NXPE4: variants seen among roughly 807,000 people sequenced by gnomAD.
NXPE4 encodes the protein NXPE family member 4.
NXPE4 carries 42 observed loss-of-function variants against 33.3 expected under a neutral mutation model. That is an observed-to-expected ratio of 1.26 (90% CI 0.98 to 1.63). The LOEUF (loss-of-function observed/expected upper bound fraction) is 1.63, where lower values mean the gene tolerates loss of function less well. NXPE4 is among the 40% of genes most tolerant of loss of function. The pLI is 0.00. For missense variants in NXPE4, 709 were observed against 647.6 expected, an observed-to-expected ratio of 1.09 and a Z score of -1.03; for synonymous variants, 253 against 234.9, an observed-to-expected ratio of 1.08 and a Z score of -0.71.
At chr11:114,630,854 G>A in the NXPE4 span, among the ~76,000 whole-genome samples, 1 of 151,630 alleles carries the variant, frequency 6.6e-6, no homozygotes, top group Non-Finnish European at 1.5e-5. Context: ...CCATCAAAAA[G>A]TGGGCAAAGG....
At chr11:114,602,218 T>A in the NXPE4 span, among the ~76,000 whole-genome samples, 1 of 107,190 alleles carries the variant, frequency 9.3e-6, no homozygotes. Flanking sequence ...ATACAATATA[T>A]GTTATAGATT....
chr11:114,593,228 G>T (rs575304140), intron 2 of NXPE4, among the ~76,000 whole-genome samples: 66 of 152,276 alleles, frequency 4.3e-4, no homozygotes, highest in African/African-American at 1.5e-3. Context: ...AATCAAGTGA[G>T]TGAAGAGTTA....
At chr11:114,643,078 A>T in the NXPE4 span, among the ~76,000 whole-genome samples, 1 of 152,078 alleles carries the variant, frequency 6.6e-6, no homozygotes, top group African/African-American at 2.4e-5. Flanking sequence ...GTGTCCATTC[A>T]TATCCTTTGC....
chr11:114,646,653 C>A, the NXPE4 span, among the ~76,000 whole-genome samples: 1 of 152,114 alleles, frequency 6.6e-6, no homozygotes, highest in East Asian at 1.9e-4. Context: ...CCACCAAATA[C>A]CATTAAAATA....
chr11:114,676,096 C>A, the NXPE4 span, among the ~76,000 whole-genome samples: 3 of 151,732 alleles, frequency 2.0e-5, no homozygotes, highest in Non-Finnish European at 4.4e-5. Context: ...TAAAAAAAAT[C>A]CAACTGAAAA....
At chr11:114,586,813 C>A (rs950594013) in intron 2 of NXPE4, among the ~76,000 whole-genome samples, 21 of 152,194 alleles carry the variant, frequency 1.4e-4, no homozygotes, top group Admixed American at 1.2e-3. Flanking sequence ...CTCCTATCCA[C>A]TCTCTGTATG....
At chr11:114,581,221 G>A (rs1029922399) in intron 4 of NXPE4, among the ~76,000 whole-genome samples, 1 of 152,032 alleles carries the variant, frequency 6.6e-6, no homozygotes, top group Non-Finnish European at 1.5e-5. Flanking sequence ...CAAAGAAATT[G>A]GAGAGAAATT....
At chr11:114,648,053 T>C in the NXPE4 span, among the ~76,000 whole-genome samples, 1 of 152,150 alleles carries the variant, frequency 6.6e-6, no homozygotes, top group Non-Finnish European at 1.5e-5. Flanking sequence ...TTCCCTGTGG[T>C]ATATAAGACA....
At chr11:114,600,839 C>A in the NXPE4 span, among the ~76,000 whole-genome samples, 1 of 151,972 alleles carries the variant, frequency 6.6e-6, no homozygotes, top group Non-Finnish European at 1.5e-5. Flanking sequence ...TGAGAATCCT[C>A]TATACTATTT....
the NXPE4 span, among the ~76,000 whole-genome samples, chr11:114,629,840 A>C: frequency 6.6e-6 from 1 of 150,534 alleles, no homozygotes; most frequent in African/African-American, 2.5e-5. Flanking sequence ...ATACAAAATC[A>C]ATGTACAAAA....
intron 3 of NXPE4, 129 bp downstream of exon 3, chr11:114,582,159 G>A: frequency 5.2e-6 from 5 of 965,820 alleles, no homozygotes; most frequent in Non-Finnish European, 7.5e-6. Flanking sequence ...TGAATTCACA[G>A]ATCCTTTCCC....
At chr11:114,670,353 T>C in the NXPE4 span, among the ~76,000 whole-genome samples, 13,999 of 152,012 alleles carry the variant, frequency 0.092, 765 homozygotes, top group Middle Eastern at 0.2. Flanking sequence ...TCAGAGACTA[T>C]GCACTTCTGG....
intron 2 of NXPE4, chr11:114,583,760 G>T (rs911995247): frequency 4.2e-6 from 2 of 478,680 alleles, no homozygotes; most frequent in African/African-American, 2.0e-5. Flanking sequence ...TCACCAGAGG[G>T]TGTTGTATGT....
At chr11:114,636,731 A>T in the NXPE4 span, among the ~76,000 whole-genome samples, 4 of 152,242 alleles carry the variant, frequency 2.6e-5, no homozygotes, top group African/African-American at 9.6e-5. Context: ...CCCAGCAGTC[A>T]TTCAGGAGCA....
rs765709768 is a variant in NXPE4 at position 114,582,779 on chromosome 11, C to T, written c.339G>A (p.Arg113=). The change falls in exon 3 of 6, where the codon AGG becomes AGA. Residue 113 remains arginine, a synonymous_variant. Coordinates refer to ENST00000375478, the MANE Select transcript of NXPE4 (RefSeq NM_001077639.2). ...CCAGCAGGATGTGCAGCTGGTCTCC[C>T]CTGCAGTACGTATCTCGAGGGTTGA... is the stretch of plus-strand genomic sequence containing the variant. The part of the protein sequence containing the change: ...TILNPRDTYC[R]GDQLHILLEV... The T allele has an allele frequency of 6.2e-7, 1 of 1,614,158 alleles. No homozygotes were observed. The highest frequency in any genetic ancestry group is 8.5e-7 in the Non-Finnish European group (1 of 1,180,016).
the NXPE4 span, among the ~76,000 whole-genome samples, chr11:114,625,619 G>A: frequency 0.085 from 12,946 of 152,150 alleles, 660 homozygotes; most frequent in Middle Eastern, 0.2. Flanking sequence ...ATATTGCCTC[G>A]TGGGTAACTG....
chr11:114,662,919 C>T, the NXPE4 span, among the ~76,000 whole-genome samples: 11 of 152,126 alleles, frequency 7.2e-5, no homozygotes, highest in Admixed American at 2.0e-4. Context: ...ATATTGAGGG[C>T]CTTGGGTGAG....
chr11:114,606,895 C>G, the NXPE4 span, among the ~76,000 whole-genome samples: 2 of 151,868 alleles, frequency 1.3e-5, no homozygotes, highest in Admixed American at 6.6e-5. Context: ...TCATGGGTAA[C>G]CACTGTTACC....
chr11:114,573,975 C>G (rs952348110), intron 5 of NXPE4, among the ~76,000 whole-genome samples: 4 of 152,014 alleles, frequency 2.6e-5, no homozygotes, highest in Non-Finnish European at 4.4e-5. Context: ...AAACAAGTCT[C>G]AGTAAATTTA....
Sources: gnomAD v4.1 joint callset for allele counts (sites outside exome capture counted in the v4.1 genomes callset) on GRCh38, gnomAD v4.1.1 for gene constraint, MANE v1.5 for transcripts, NCBI Gene and HGNC (gene_info 2026-07-23, HGNC 2026-07-21) for gene names.